Variants in TMEM178A observed in about 807,000 individuals in gnomAD.
TMEM178A encodes the protein transmembrane protein 178A.
TMEM178A carries 12 observed loss-of-function variants against 29.1 expected under a neutral mutation model. The observed-to-expected ratio is 0.41, with a 90% CI of 0.26 to 0.67. TMEM178A has a LOEUF of 0.67. Ranked by LOEUF, TMEM178A falls within the 30% of genes least tolerant of loss-of-function variation. TMEM178A has a pLI of 0.29. For synonymous variants in TMEM178A, 210 were observed against 187.2 expected (o/e 1.12, Z -0.99); for missense variants, 366 against 419.1 (o/e 0.87, Z 1.11).
At chr2:39,735,296 A>T in the TMEM178A span, among the ~76,000 whole-genome samples, 1 of 152,184 alleles carries the variant, frequency 6.6e-6, no homozygotes, top group African/African-American at 2.4e-5. Context: ...GTCTGCAGAC[A>T]TTGCCATATG....
downstream of TMEM178A, among the ~76,000 whole-genome samples, chr2:39,718,919 CTTT>C (rs964739995): frequency 1.3e-5 from 2 of 152,166 alleles, no homozygotes; most frequent in African/African-American, 2.4e-5. Context: ...ATAAAAGATT[CTTT>C]TCTTTCTTCT....
At chr2:39,669,890 C>T (rs1418141393) in intron 1 of TMEM178A, among the ~76,000 whole-genome samples, 2 of 152,122 alleles carry the variant, frequency 1.3e-5, no homozygotes, top group African/African-American at 2.4e-5. Context: ...CAGTAAATGC[C>T]CATTAGAAGC....
Position 39,717,237 on chromosome 2 carries a change from G to C in TMEM178A, c.880G>C (p.Asp294His). The C allele has an allele frequency of 6.2e-7, 1 of 1,613,562 alleles. No individual in the cohort carries two copies. Among genetic ancestry groups the C allele is most frequent in the Non-Finnish European group, 8.5e-7 (1 of 1,179,960 alleles). ...TKIAQLKSGR[D>H]STV is the part of the protein sequence containing the mutation. ...GATTGCACAGCTAAAGTCTGGCAGA[G>C]ACTCCACGGTATGACTGTCCTCACT... The change falls in exon 4 of 4, where the codon GAC becomes CAC. Residue 294 changes from aspartate (D) to histidine (H), a missense_variant. This residue lies in a region of TMEM178A where 119 missense variants were observed against 172.2 expected (regional missense o/e 0.69). Coordinates refer to ENST00000281961, the MANE Select transcript of TMEM178A (RefSeq NM_152390.3).
intron 2 of TMEM178A, among the ~76,000 whole-genome samples, chr2:39,705,031 G>A (rs1309187715): frequency 6.6e-6 from 1 of 152,232 alleles, no homozygotes; most frequent in African/African-American, 2.4e-5. Context: ...TGCCAGAGCA[G>A]TGGTCTAATA....
intron 1 of TMEM178A, among the ~76,000 whole-genome samples, chr2:39,688,197 A>T (rs941339110): frequency 6.6e-6 from 1 of 152,242 alleles, no homozygotes; most frequent in African/African-American, 2.4e-5. Context: ...ACTAACAAGG[A>T]TGTATGAGAA....
chr2:39,666,007 C>T lies in TMEM178A; in HGVS notation c.33C>T (p.Ser11=). 6.6e-7 allele frequency: 1 copy of T among 1,504,030 alleles called. No homozygotes were observed. Among genetic ancestry groups the T allele is most frequent in the Non-Finnish European group, 8.9e-7 (1 of 1,129,832 alleles). 93.2% of individuals were successfully genotyped at this position (1,504,030 alleles called of 1,614,324 possible). The change falls in exon 1 of 4, where the codon AGC becomes AGT. Residue 11 remains serine (S), a synonymous_variant. Transcript: ENST00000281961. Reference sequence around the variant, plus strand: ...CGCGGGCGCTCGTCACGGCGCTCAGCCTCGGCCTCAGCCTGTGCTCCCTGG... The same window carrying T: ...CGCGGGCGCTCGTCACGGCGCTCAGTCTCGGCCTCAGCCTGTGCTCCCTGG... MEPRALVTAL[S]LGLSLCSLGL... is the part of the protein sequence containing the mutation.
intron 1 of TMEM178A, among the ~76,000 whole-genome samples, chr2:39,692,619 T>C (rs1572670912): frequency 6.6e-6 from 1 of 152,152 alleles, no homozygotes; most frequent in African/African-American, 2.4e-5. Context: ...ACTTTACTTG[T>C]CCTGCCTATA....
intron 1 of TMEM178A, among the ~76,000 whole-genome samples, chr2:39,696,938 C>T (rs987554886): frequency 6.6e-6 from 1 of 152,046 alleles, no homozygotes; most frequent in African/African-American, 2.4e-5. Flanking sequence ...ATGTTTCTTC[C>T]CCCCATTGTG....
downstream of TMEM178A, among the ~76,000 whole-genome samples, chr2:39,720,377 T>G (rs1572703714): frequency 6.6e-6 from 1 of 152,270 alleles, no homozygotes; most frequent in Non-Finnish European, 1.5e-5. Context: ...TACCACCTGA[T>G]GGAGGCTGGT....
chr2:39,728,439 C>G, the TMEM178A span, among the ~76,000 whole-genome samples: 1 of 152,148 alleles, frequency 6.6e-6, no homozygotes, highest in East Asian at 1.9e-4. Flanking sequence ...CTACCAGGAG[C>G]TAGTTCAATT....
At chr2:39,731,234 C>A in the TMEM178A span, among the ~76,000 whole-genome samples, 158 of 152,328 alleles carry the variant, frequency 1.0e-3, no homozygotes, top group Non-Finnish European at 1.8e-3. Flanking sequence ...GCCCTCTTCA[C>A]AAGGGGGAGG....
chr2:39,717,223 TAA>T lies in TMEM178A; in HGVS notation c.868_869del (p.Lys290ValfsTer22). 2 of 1,613,702 alleles carry T rather than the reference TAA, an allele frequency of 1.2e-6. No homozygotes were observed. The highest frequency in any genetic ancestry group is 1.7e-6 in the Non-Finnish European group (2 of 1,179,982). Reference sequence around the variant, plus strand: ...ATTAGCCGGACCAAGATTGCACAGCTAAAGTCTGGCAGAGACTCCACGGTATG... The same window carrying T: ...ATTAGCCGGACCAAGATTGCACAGCTAGTCTGGCAGAGACTCCACGGTATG... On this transcript the variant is annotated frameshift_variant, in exon 4 of 4. Transcript: ENST00000281961. LOFTEE classifies it high-confidence loss of function.
At position 39,666,407 on chromosome 2, in the gene TMEM178A, C is replaced by G. The variant is rs1429193301; in HGVS notation, c.400+33C>G. ...GCGGGCGCACCCCGCGTCCCCGGCGCCCGCGCGTGGAGCGCAGCCCGCGGC... is the reference window on the plus strand; with the variant it reads ...GCGGGCGCACCCCGCGTCCCCGGCGGCCGCGCGTGGAGCGCAGCCCGCGGC... On this transcript the variant is annotated intron_variant, in intron 1 of 3. Transcript: ENST00000281961. The G allele has an allele frequency of 3.1e-6, 4 of 1,306,024 alleles. No individual in the cohort carries two copies. The East Asian group carries it at 1.4e-4, about 46-fold the overall frequency. The allele number at this position is 1,306,024 out of a possible 1,614,324, so 80.9% of individuals were successfully genotyped here. A position where few individuals can be genotyped will look rare whatever the true frequency, so the allele number is the denominator to read the frequency against.
intron 1 of TMEM178A, among the ~76,000 whole-genome samples, chr2:39,671,336 T>C (rs116356759): frequency 8.7e-4 from 132 of 152,354 alleles, no homozygotes; most frequent in African/African-American, 3.0e-3. Context: ...TTGATGATTT[T>C]CTTCAGCTCA....
At chr2:39,723,014 C>T in the TMEM178A span, among the ~76,000 whole-genome samples, 14 of 152,252 alleles carry the variant, frequency 9.2e-5, no homozygotes, top group Non-Finnish European at 1.8e-4. Flanking sequence ...CAAGGGTGCA[C>T]GGAGGCTCCG....
chr2:39,665,876 G>T (rs993528890), upstream of TMEM178A: 66 of 1,118,238 alleles, frequency 5.9e-5, no homozygotes, highest in South Asian at 7.7e-5. Context: ...GGGGCAGGTG[G>T]GGGGAAGAGG....
intron 1 of TMEM178A, among the ~76,000 whole-genome samples, chr2:39,696,266 C>T (rs1360160364): frequency 6.6e-6 from 1 of 152,244 alleles, no homozygotes; most frequent in East Asian, 1.9e-4. Flanking sequence ...TTGGTTGGGC[C>T]ATTGTTCAGG....
At chr2:39,725,111 T>C in the TMEM178A span, among the ~76,000 whole-genome samples, 155 of 152,158 alleles carry the variant, frequency 1.0e-3, no homozygotes, top group Middle Eastern at 3.4e-3. Flanking sequence ...AGTAGGGGAA[T>C]GGTTTTCAAG....
intron 1 of TMEM178A, among the ~76,000 whole-genome samples, chr2:39,693,588 C>T (rs916695638): frequency 3.3e-5 from 5 of 152,236 alleles, no homozygotes; most frequent in Middle Eastern, 3.4e-3. Context: ...AATAGTGTCT[C>T]TACATTGTGG....
Sources: gnomAD v4.1 joint callset for allele counts (sites outside exome capture counted in the v4.1 genomes callset) on GRCh38, gnomAD v4.1.1 for gene constraint, gnomAD v4.1.1 regional missense constraint, MANE v1.5 for transcripts, NCBI Gene and HGNC (gene_info 2026-07-23, HGNC 2026-07-21) for gene names.